Variants in MACROH2A2 observed in about 807,000 individuals in gnomAD.
The protein encoded by MACROH2A2 is core histone macro-H2A.2.
MACROH2A2 carries 6 observed loss-of-function variants against 37.6 expected under a neutral mutation model. The observed-to-expected ratio is 0.16, with a 90% CI of 0.09 to 0.32. The LOEUF is 0.32. Ranked by LOEUF, MACROH2A2 falls within the 10% of genes least tolerant of loss-of-function variation. The probability of loss-of-function intolerance (pLI) is 1.00; values close to 1 mark genes in which losing one functional copy is unlikely to be tolerated. For synonymous variants in MACROH2A2, 192 were observed against 202.7 expected (o/e 0.95, Z 0.45); for missense variants, 290 against 485.9 (o/e 0.60, Z 3.79).
intron 1 of MACROH2A2, among the ~76,000 whole-genome samples, chr10:70,054,436 A>C (rs1249352704): frequency 6.6e-6 from 1 of 152,164 alleles, no homozygotes; most frequent in Non-Finnish European, 1.5e-5. Flanking sequence ...TCTAAGCCCC[A>C]CAGACCCCAG....
In MACROH2A2 at chr10:70,101,632, C is replaced by T. The variant is rs187541729; in HGVS notation, c.778+1335C>T. Among the ~76,000 whole-genome samples, 363 of 151,390 alleles carry T rather than the reference C, an allele frequency of 2.4e-3. 1 individual carries two copies. Among genetic ancestry groups the T allele is most frequent in the African/African-American group, 8.5e-3 (351 of 41,168 alleles). ...ACACTTAGCTTTTCCCCCAACAAACCCCCTAACCATTAAGCAGTCATGCCC... is the reference window on the plus strand; with the variant it reads ...ACACTTAGCTTTTCCCCCAACAAACTCCCTAACCATTAAGCAGTCATGCCC... On this transcript the variant is annotated intron_variant, in intron 7 of 8. Coordinates refer to ENST00000373255, the MANE Select transcript of MACROH2A2 (RefSeq NM_018649.3).
At chr10:70,054,523 A>G (rs141207277) in intron 1 of MACROH2A2, among the ~76,000 whole-genome samples, 6 of 152,332 alleles carry the variant, frequency 3.9e-5, no homozygotes, top group South Asian at 4.1e-4. Flanking sequence ...TTGAAATCCA[A>G]TTGTCACCTC....
At chr10:70,063,261 T>C (rs149505834) in intron 1 of MACROH2A2, among the ~76,000 whole-genome samples, 1 of 152,222 alleles carries the variant, frequency 6.6e-6, no homozygotes, top group Non-Finnish European at 1.5e-5. Context: ...GGGTGTTAAA[T>C]AAAGTTTCCT....
chr10:70,060,167 G>C (rs1041410759), intron 1 of MACROH2A2, among the ~76,000 whole-genome samples: 7 of 151,880 alleles, frequency 4.6e-5, no homozygotes, highest in Admixed American at 3.9e-4. Context: ...GTCAGGAGTT[G>C]GAGACCAGTC....
intron 1 of MACROH2A2, among the ~76,000 whole-genome samples, chr10:70,065,478 A>G (rs2072074136): frequency 6.6e-6 from 1 of 152,264 alleles, no homozygotes; most frequent in Non-Finnish European, 1.5e-5. Context: ...ATAAATAAAT[A>G]GAACAACTGC....
chr10:70,111,611 G>A lies in MACROH2A2; in HGVS notation c.1047G>A (p.Val349=), dbSNP rs1490861465. 1 of 1,613,724 alleles carries A rather than the reference G, an allele frequency of 6.2e-7. No homozygotes were observed. The highest frequency in any genetic ancestry group is 1.7e-5 in the Admixed American group (1 of 59,944). The part of the protein sequence containing the change: ...DDSSASSLKN[V]YFLLFDSESI... ...CGAGCGCGTCCTCGCTGAAGAACGT[G>A]TACTTCCTGCTCTTCGACAGCGAGA... is the stretch of plus-strand genomic sequence containing the variant. The change falls in exon 9 of 9, where the codon GTG becomes GTA. Residue 349 remains valine (V), a synonymous_variant. Transcript: ENST00000373255.
rs181188596 is a variant in MACROH2A2, at chr10:70,055,402, T to C, written c.-60+2402T>C. Reference sequence around the variant, plus strand: ...AAACACTTATTGAGCACCAAGTCTTTTGTTGTTTGTTTTGTTGTTGTTTTG... The same window carrying C: ...AAACACTTATTGAGCACCAAGTCTTCTGTTGTTTGTTTTGTTGTTGTTTTG... On this transcript the variant is annotated intron_variant, in intron 1 of 8. Coordinates refer to ENST00000373255, the MANE Select transcript of MACROH2A2 (RefSeq NM_018649.3). Among the ~76,000 whole-genome samples, 231 of 152,332 alleles carry C rather than the reference T, an allele frequency of 1.5e-3. 1 individual carries two copies. Among genetic ancestry groups the C allele is most frequent in the African/African-American group, 5.2e-3 (217 of 41,560 alleles).
At chr10:70,109,394 C>G (rs2072356813) in intron 8 of MACROH2A2, among the ~76,000 whole-genome samples, 187 bp downstream of exon 8, 1 of 152,210 alleles carries the variant, frequency 6.6e-6, no homozygotes, top group African/African-American at 2.4e-5. Context: ...CCACTGGCTC[C>G]TAGGCAGCAG....
intron 2 of MACROH2A2, among the ~76,000 whole-genome samples, chr10:70,079,563 G>GCA (rs372348727): frequency 0.028 from 1,767 of 63,192 alleles, 25 homozygotes; most frequent in African/African-American, 0.06. Flanking sequence ...GCGCGCGCGC[G>GCA]CGCACACACA....
At chr10:70,093,534 TCTATTTTG>T (rs1335866128) in intron 4 of MACROH2A2, among the ~76,000 whole-genome samples, 193 bp from the exon 5 acceptor site, 1 of 152,210 alleles carries the variant, frequency 6.6e-6, no homozygotes, top group East Asian at 1.9e-4. Context: ...TAACACACTT[TCTATTTTG>T]CTATTTTGCG....
At chr10:70,063,066 G>A (rs2072058932) in intron 1 of MACROH2A2, among the ~76,000 whole-genome samples, 1 of 152,042 alleles carries the variant, frequency 6.6e-6, no homozygotes, top group African/African-American at 2.4e-5. Flanking sequence ...CTTGCTGGCT[G>A]GCAGAGGGTT....
chr10:70,096,648 G>A (rs2072278311), intron 6 of MACROH2A2, among the ~76,000 whole-genome samples: 2 of 152,140 alleles, frequency 1.3e-5, no homozygotes, highest in African/African-American at 2.4e-5. Flanking sequence ...TTTTTACCAA[G>A]CAGAACTGCC....
intron 7 of MACROH2A2, among the ~76,000 whole-genome samples, chr10:70,105,040 T>G (rs773547161): frequency 2.3e-4 from 35 of 152,226 alleles, no homozygotes; most frequent in Non-Finnish European, 4.3e-4. Flanking sequence ...CGATGCTGCA[T>G]GTTCAGGGAG....
At chr10:70,079,551 T>TCA (rs1554822084) in intron 2 of MACROH2A2, among the ~76,000 whole-genome samples, 190 of 114,124 alleles carry the variant, frequency 1.7e-3, no homozygotes, top group African/African-American at 5.9e-3. Context: ...CGTTGAGGGT[T>TCA]CGCGCGCGCG....
intron 4 of MACROH2A2, among the ~76,000 whole-genome samples, chr10:70,092,680 T>C (rs1376646070): frequency 6.6e-6 from 1 of 152,166 alleles, no homozygotes; most frequent in Non-Finnish European, 1.5e-5. Flanking sequence ...AGAGCTGAAA[T>C]GGGTCTTCTC....
intron 3 of MACROH2A2, among the ~76,000 whole-genome samples, chr10:70,091,373 G>C (rs1453416651): frequency 6.6e-6 from 1 of 152,216 alleles, no homozygotes; most frequent in Non-Finnish European, 1.5e-5. Flanking sequence ...ACATTTAACA[G>C]TTAGAACCGT....
rs56247035 is a variant in MACROH2A2, at chr10:70,079,565, G to GCACACACACACA, written c.172+3765_172+3776dup. Reference sequence around the variant, plus strand: ...ACGTTGAGGGTTCGCGCGCGCGCGCGCACACACACACACACACACACACAC... The same window carrying GCACACACACACA: ...ACGTTGAGGGTTCGCGCGCGCGCGCGCACACACACACACACACACACACACACACACACACAC... On this transcript the variant is annotated intron_variant, in intron 2 of 8. Coordinates refer to ENST00000373255, the MANE Select transcript of MACROH2A2 (RefSeq NM_018649.3). 9.9e-3 allele frequency among the ~76,000 whole-genome samples: 1,255 copies of GCACACACACACA among 126,234 alleles called. 22 individuals are homozygous for GCACACACACACA. The highest frequency in any genetic ancestry group is 0.036 in the East Asian group (146 of 4,100). 82.8% of individuals were successfully genotyped at this position (126,234 alleles called of 152,430 possible). A position where few individuals can be genotyped will look rare whatever the true frequency, so the allele number is the denominator to read the frequency against.
At chr10:70,061,483 G>A (rs2072049826) in intron 1 of MACROH2A2, among the ~76,000 whole-genome samples, 1 of 152,292 alleles carries the variant, frequency 6.6e-6, no homozygotes, top group Non-Finnish European at 1.5e-5. Context: ...AACAACTTCT[G>A]CATTTCTCTT....
chr10:70,062,542 G>A (rs2072055962), intron 1 of MACROH2A2, among the ~76,000 whole-genome samples: 1 of 152,122 alleles, frequency 6.6e-6, no homozygotes, highest in Admixed American at 6.5e-5. Context: ...TTAAAATAAT[G>A]TATGATGAAA....
Sources: allele counts gnomAD v4.1 joint callset (sites outside exome capture counted in the v4.1 genomes callset), GRCh38; gene constraint gnomAD v4.1.1; transcripts MANE v1.5; gene names NCBI Gene and HGNC (gene_info 2026-07-23, HGNC 2026-07-21).